NBPF12: variants seen among roughly 807,000 people sequenced by gnomAD.
The protein encoded by NBPF12 is NBPF member 12.
NBPF12 carries 115 observed loss-of-function variants against 146.4 expected under a neutral mutation model. The ratio of observed to expected loss-of-function variants is 0.79; its 90% CI spans 0.68 to 0.92. The LOEUF (loss-of-function observed/expected upper bound fraction) is 0.92. Ranked by LOEUF, NBPF12 falls within the 40% of genes least tolerant of loss-of-function variation. The probability of loss-of-function intolerance (pLI) is 0.00; values close to 1 mark genes in which losing one functional copy is unlikely to be tolerated. For synonymous variants in NBPF12, 385 were observed against 508.9 expected (o/e 0.76, Z 3.28); for missense variants, 1,205 against 1,326.8 (o/e 0.91, Z 1.43).
Position 146,981,674 on chromosome 1 carries a change from A to G in NBPF12, c.2451-1254A>G, listed in dbSNP as rs1461094526. ...TTCCCAGCTTGGTTCCATTCTCCCC[A>G]TCACTTTCAGTACACCAATCAAACG... On this transcript the variant is annotated intron_variant, in intron 19 of 33. Coordinates refer to ENST00000617844, the Ensembl canonical transcript of NBPF12. Among the ~76,000 whole-genome samples, 253 of 151,056 alleles carry G rather than the reference A, an allele frequency of 1.7e-3. 1 individual carries two copies. The highest frequency in any genetic ancestry group is 5.7e-3 in the African/African-American group (230 of 40,422).
Position 146,972,915 on chromosome 1 carries a change from G to T in NBPF12, c.1756G>T (p.Val586Leu), listed in dbSNP as rs1553886819. 1.6e-5 allele frequency: 16 copies of T among 1,010,476 alleles called. 1 individual carries two copies. In the African/African-American group the frequency reaches 2.4e-4, roughly 15 times the overall value. 62.6% of individuals were successfully genotyped at this position (1,010,476 alleles called of 1,614,324 possible). ...CAGAAGCCTCAAAGAGAAATGTTTTGTAACTCAAGTGGCCTGCTTCCTGGC... is the reference window on the plus strand; with the variant it reads ...CAGAAGCCTCAAAGAGAAATGTTTTTTAACTCAAGTGGCCTGCTTCCTGGC... Residue 586 changes from valine to leucine, a missense_variant, in exon 14 of 34, where the codon GTA (valine) becomes TTA (leucine). Physicochemically the swap from Val to Leu is conservative, Grantham distance 32 (BLOSUM62 1). This residue lies in a region of NBPF12 where 278 missense variants were observed against 203.1 expected (regional missense o/e 1.37). Coordinates refer to ENST00000617844, the Ensembl canonical transcript of NBPF12.
At chr1:146,970,144 G>A (rs1226836763) in intron 11 of NBPF12, among the ~76,000 whole-genome samples, 11 of 150,796 alleles carry the variant, frequency 7.3e-5, no homozygotes, top group African/African-American at 2.5e-4. Context: ...GGCATTTGGT[G>A]GTAGGAAGTG....
chr1:146,967,474 C>G (rs1159518203), intron 9 of NBPF12, among the ~76,000 whole-genome samples: 2 of 149,242 alleles, frequency 1.3e-5, no homozygotes, highest in East Asian at 4.0e-4. Context: ...GCACTCCAGC[C>G]TGGGTGACAG....
At chr1:146,956,313 C>T (rs1655584984) in intron 2 of NBPF12, among the ~76,000 whole-genome samples, 1 of 151,922 alleles carries the variant, frequency 6.6e-6, no homozygotes, top group Non-Finnish European at 1.5e-5. Context: ...TGCAAACGGA[C>T]CTGAAGTGAC....
At chr1:146,971,477 T>A in intron 13 of NBPF12, 83 bp downstream of exon 16, 1 of 1,110,114 alleles carries the variant, frequency 9.0e-7, no homozygotes, top group Non-Finnish European at 1.3e-6. Context: ...TATACACATA[T>A]TGTTATTGTT....
rs1301450806 is a variant in NBPF12, at chr1:146,984,134, G to C, written c.2615G>C (p.Arg872Thr). 1.4e-5 allele frequency: 12 copies of C among 886,588 alleles called. 1 individual carries two copies. Among genetic ancestry groups the C allele is most frequent in the Non-Finnish European group, 2.1e-5 (12 of 572,122 alleles). The allele number at this position is 886,588 out of a possible 1,614,324, so 54.9% of individuals were successfully genotyped here. The change falls in exon 21 of 34, where the codon AGA becomes ACA. Residue 872 changes from arginine (R) to threonine (T), a missense_variant and splice_region_variant. Physicochemically the swap from Arg to Thr is moderately conservative, Grantham distance 71. Transcript: ENST00000617844. ...AGGCCCCATCTGAATTTATTTGCAG[G>C]ACATCGGTGGGATCAAGTGAAAAAG...
rs1227333477 is a variant in NBPF12 at position 146,982,958 on chromosome 1, C to A, written c.2481C>A (p.Val827=). 6.2e-5 allele frequency: 99 copies of A among 1,608,480 alleles called. 1 individual carries two copies. In the East Asian group the frequency reaches 2.1e-3, roughly 34 times the overall value. The change falls in exon 20 of 34, where the codon GTC becomes GTA. Residue 827 remains valine, a synonymous_variant. Coordinates refer to ENST00000617844, the Ensembl canonical transcript of NBPF12. ...TGCAGGAGTCTGAAGAGGAGGAAGT[C>A]CCCCAGGAGTCCTGGGATGAAGGTT...
Position 146,994,904 on chromosome 1 carries a change from C to T in NBPF12, c.*329C>T, listed in dbSNP as rs760417004. ...GCAGGCATGTCTCTGAGCTTCTATA[C>T]CTACTCAAGGTCAGTGTCATCTTTG... On this transcript the variant is annotated 3_prime_UTR_variant, in exon 34 of 34. Coordinates refer to ENST00000617844, the Ensembl canonical transcript of NBPF12. 3.1e-3 allele frequency: 1,317 copies of T among 422,980 alleles called. 13 individuals are homozygous for T. Among genetic ancestry groups the T allele is most frequent in the Non-Finnish European group, 3.1e-3 (710 of 230,576 alleles). The allele number at this position is 422,980 out of a possible 1,614,324, so 26.2% of individuals were successfully genotyped here.
exon 4 of NBPF12, chr1:146,960,281 A>G: frequency 2.9e-6 from 4 of 1,380,154 alleles, no homozygotes; most frequent in African/African-American, 1.4e-5. Flanking sequence ...TTCTAACTCA[A>G]CTGGCCGGCT....
intron 2 of NBPF12, among the ~76,000 whole-genome samples, chr1:146,954,185 A>G (rs1655449665): frequency 6.6e-6 from 1 of 150,474 alleles, no homozygotes; most frequent in Non-Finnish European, 1.5e-5. Context: ...AGGTCAGGAG[A>G]TGGAGACCAT....
Position 146,962,183 on chromosome 1 carries a change from CAT to C in NBPF12, c.200_201del (p.Ile67LysfsTer7). 1 of 1,608,868 alleles carries C rather than the reference CAT, an allele frequency of 6.2e-7. No homozygotes were observed. On this transcript the variant is annotated frameshift_variant, in exon 5 of 34. Coordinates refer to ENST00000617844, the Ensembl canonical transcript of NBPF12. LOFTEE classifies it high-confidence loss of function. ...CAGAGTATGAAGAGTGTAAAGACCT[CAT>C]AAAATTTATGCTGAGGAATGAGCGA...
chr1:146,973,935 A>C (rs1656823980), intron 14 of NBPF12, among the ~76,000 whole-genome samples: 2 of 150,760 alleles, frequency 1.3e-5, no homozygotes, highest in Admixed American at 6.6e-5. Flanking sequence ...AGTGCAGTGT[A>C]CAGAGCAGGG....
chr1:146,994,976 C>G, exon 34 of NBPF12: 2 of 288,166 alleles, frequency 6.9e-6, no homozygotes, highest in East Asian at 1.7e-4. Context: ...TGAACCTAAC[C>G]TCATTATTTG....
exon 12 of NBPF12, chr1:146,970,679 G>A: frequency 2.7e-6 from 4 of 1,458,042 alleles, no homozygotes; most frequent in Non-Finnish European, 3.8e-6. Flanking sequence ...AGATGTTCAA[G>A]TTGAGGAGGA....
exon 7 of NBPF12, chr1:146,964,359 A>G (rs1656055727): frequency 6.2e-7 from 1 of 1,603,310 alleles, no homozygotes; most frequent in African/African-American, 1.3e-5. Flanking sequence ...ATTTATAGAA[A>G]ATGATGAAGA....
exon 34 of NBPF12, chr1:146,994,398 T>C: frequency 6.2e-7 from 1 of 1,612,370 alleles, no homozygotes; most frequent in Non-Finnish European, 8.5e-7. Context: ...ATAGATGTTA[T>C]TCGACTCCAT....
At chr1:146,984,786 A>T in intron 21 of NBPF12, 27 bp from the exon 25 acceptor site, 1 of 1,226,510 alleles carries the variant, frequency 8.2e-7, no homozygotes, top group South Asian at 1.2e-5. Context: ...CCCCTGGCTT[A>T]TTCTTTACTT....
intron 2 of NBPF12, among the ~76,000 whole-genome samples, chr1:146,954,744 G>A (rs1239307979): frequency 2.0e-5 from 3 of 149,846 alleles, no homozygotes; most frequent in Non-Finnish European, 4.4e-5. Flanking sequence ...TCTACATACA[G>A]CTATGAAAAT....
chr1:146,961,360 T>C (rs1236214548), intron 4 of NBPF12, among the ~76,000 whole-genome samples: 1 of 151,516 alleles, frequency 6.6e-6, no homozygotes, highest in East Asian at 1.9e-4. Flanking sequence ...TTGTCTTGTC[T>C]GTCCCTCAGT....
Sources: allele counts gnomAD v4.1 joint callset (sites outside exome capture counted in the v4.1 genomes callset), GRCh38; gene constraint gnomAD v4.1.1; regional missense constraint gnomAD v4.1.1; transcripts MANE v1.5; gene names NCBI Gene and HGNC (gene_info 2026-07-23, HGNC 2026-07-21).